Variants in ODF2 observed in about 807,000 individuals in gnomAD.
The protein encoded by ODF2 is outer dense fiber protein 2.
A neutral mutation model predicts 110.2 loss-of-function variants in ODF2; 47 were observed. That is an observed-to-expected ratio of 0.43 (90% CI 0.34 to 0.54). The LOEUF is 0.54. Ranked by LOEUF, ODF2 falls within the 20% of genes least tolerant of loss-of-function variation. The pLI is 0.03. For missense variants in ODF2, 812 were observed against 1,054.5 expected (o/e 0.77, Z 3.19); for synonymous variants, 352 against 397.7 (o/e 0.89, Z 1.37).
At chr9:128,482,308 G>A (rs899813880) in intron 9 of ODF2, among the ~76,000 whole-genome samples, 3 of 152,220 alleles carry the variant, frequency 2.0e-5, no homozygotes, top group East Asian at 3.9e-4. Flanking sequence ...CAGCAAGCTC[G>A]GCGATAATGC....
At chr9:128,459,681 G>A (rs754044518) in intron 3 of ODF2, 24 bp downstream of exon 2, 141 of 1,573,336 alleles carry the variant, frequency 9.0e-5, no homozygotes, top group Non-Finnish European at 1.1e-4. Flanking sequence ...TCACGTAGCA[G>A]CCCTCTTTGG....
rs1843221231 is a variant in ODF2, at chr9:128,485,688, A to C, written c.1400+214A>C. 6.6e-6 allele frequency among the ~76,000 whole-genome samples: 1 copy of C among 152,104 alleles called. No individual in the cohort carries two copies. Among genetic ancestry groups the C allele is most frequent in the Non-Finnish European group, 1.5e-5 (1 of 68,010 alleles). ...GGCCCTAGTCCTGGGGTCCTACCCT[A>C]CTGTCAGGCACTGGCTAGGGGCCGG... On this transcript the variant is annotated intron_variant, in intron 13 of 20. Transcript: ENST00000604420. This position sits in a 1 kb window ranked among gnomAD's most constrained non-coding sequence, Gnocchi z 5.0.
At chr9:128,487,922 C>A in exon 14 of ODF2, 1 of 1,614,078 alleles carries the variant, frequency 6.2e-7, no homozygotes, top group Non-Finnish European at 8.5e-7. Context: ...CAACAACAAA[C>A]CCTGGAGGAG....
Position 128,489,531 on chromosome 9 carries a change from C to T in ODF2, c.1536+1506C>T, listed in dbSNP as rs534599160. Among the ~76,000 whole-genome samples the T allele has an allele frequency of 3.9e-5, 6 of 152,302 alleles. No homozygotes were observed. In the South Asian group the frequency reaches 1.2e-3, roughly 32 times the overall value. On this transcript the variant is annotated intron_variant, in intron 14 of 20. Transcript: ENST00000604420. ...AATATCCCTGGGCCTGGCGTCTACT[C>T]TGCAAGTTTGTTGAGTCAGCCCCAT...
intron 4 of ODF2, 132 bp downstream of exon 4, chr9:128,461,199 T>A: frequency 8.7e-7 from 1 of 1,153,730 alleles, no homozygotes; most frequent in Non-Finnish European, 1.2e-6. Flanking sequence ...AGGGCCTTGC[T>A]AAACCCTGAA....
At chr9:128,455,416 T>C, upstream of ODF2, 1 of 416,790 alleles carries the variant, frequency 2.4e-6, no homozygotes, top group Non-Finnish European at 4.2e-6. Flanking sequence ...TAGCCGGGCG[T>C]TGTGGCGGGC....
intron 10 of ODF2, among the ~76,000 whole-genome samples, chr9:128,483,572 C>T (rs973236835): frequency 1.4e-5 from 2 of 142,632 alleles, no homozygotes; most frequent in Non-Finnish European, 3.1e-5. Flanking sequence ...AACAGTGATA[C>T]CCTGTCTCAA....
At chr9:128,466,075 G>A (rs753398169) in intron 4 of ODF2, among the ~76,000 whole-genome samples, 5 of 151,990 alleles carry the variant, frequency 3.3e-5, no homozygotes, top group Admixed American at 6.6e-5. Context: ...TGAGGCGGAG[G>A]TTGCAGGGAG....
In ODF2 at chr9:128,456,735, G is replaced by A. The variant is rs1005477389; in HGVS notation, c.-208-463G>A. On this transcript the variant is annotated intron_variant, in intron 1 of 20. Coordinates refer to ENST00000604420, the Ensembl canonical transcript of ODF2. The stretch of plus-strand genomic sequence containing the variant: ...GCGCTGTCCCCCGGGCACCGTCTCC[G>A]GCTTGCCAGGGCCCTCGCCCGGCGG... 4 of 981,270 alleles carry A rather than the reference G, an allele frequency of 4.1e-6. No homozygotes were observed. In the South Asian group the frequency reaches 1.4e-4, roughly 35 times the overall value. The allele number at this position is 981,270 out of a possible 1,614,324, so 60.8% of individuals were successfully genotyped here.
chr9:128,466,709 G>T (rs1442099309), intron 4 of ODF2, among the ~76,000 whole-genome samples: 1 of 149,570 alleles, frequency 6.7e-6, no homozygotes, highest in African/African-American at 2.4e-5. Context: ...CGGGCGTGGT[G>T]GCTCACGCCT....
At chr9:128,473,641 C>G in exon 8 of ODF2, 1 of 1,613,744 alleles carries the variant, frequency 6.2e-7, no homozygotes, top group South Asian at 1.1e-5. Flanking sequence ...GACATCAACA[C>G]CCTGACAAGG....
intron 5 of ODF2, among the ~76,000 whole-genome samples, chr9:128,471,023 C>G (rs1839872814): frequency 6.6e-6 from 1 of 151,942 alleles, no homozygotes; most frequent in East Asian, 1.9e-4. Context: ...AGGCGACTCT[C>G]TTGCTTCAGC....
At chr9:128,465,880 C>T (rs1007778391) in intron 4 of ODF2, among the ~76,000 whole-genome samples, 1 of 152,214 alleles carries the variant, frequency 6.6e-6, no homozygotes. Flanking sequence ...TGGCTCACTC[C>T]TGTAATCCCA....
rs996602592 is a variant in ODF2 at position 128,468,553 on chromosome 9, C to T, written c.250-630C>T. Among the ~76,000 whole-genome samples, 12 of 151,792 alleles carry T rather than the reference C, an allele frequency of 7.9e-5. No homozygotes were observed. In the East Asian group the frequency reaches 1.7e-3, roughly 22 times the overall value. On this transcript the variant is annotated intron_variant, in intron 4 of 20. Transcript: ENST00000604420. ...TGATTTTTTTTTTTAGAAGGAGTTT[C>T]GTTCTGTTGCCCAGGCTGGAGTGCA...
intron 4 of ODF2, 178 bp from the exon 5 acceptor site, chr9:128,469,005 C>A: frequency 1.8e-6 from 1 of 561,310 alleles, no homozygotes. Flanking sequence ...CCAAAACCAT[C>A]ATTTAAACAT....
At position 128,485,581 on chromosome 9, in the gene ODF2, T is replaced by C; in HGVS notation, c.1400+107T>C. The C allele has an allele frequency of 4.6e-6, 3 of 652,844 alleles. No individual in the cohort carries two copies. Among genetic ancestry groups the C allele is most frequent in the Non-Finnish European group, 8.4e-6 (3 of 358,112 alleles). 40.4% of individuals were successfully genotyped at this position (652,844 alleles called of 1,614,324 possible). The stretch of plus-strand genomic sequence containing the variant: ...AAGGCCACGTGGCTGCTGTTTGTAC[T>C]CTCCGGGTTGGGGGCTGCACTGGGC... On this transcript the variant is annotated intron_variant, in intron 13 of 20. Coordinates refer to ENST00000604420, the Ensembl canonical transcript of ODF2. The surrounding 1 kb of genome is among the most constrained non-coding windows in gnomAD (Gnocchi z 5.0).
intron 1 of ODF2, chr9:128,457,017 C>T (rs1409668256): frequency 1.6e-6 from 2 of 1,269,672 alleles, no homozygotes; most frequent in Non-Finnish European, 1.0e-6. Context: ...CCGAGCGGTT[C>T]TCACCCGCCC....
At chr9:128,500,685 C>T (rs1335912706), downstream of ODF2, 1 of 154,614 alleles carries the variant, frequency 6.5e-6, no homozygotes, top group Non-Finnish European at 1.4e-5. Flanking sequence ...AGCACCATCA[C>T]TTGCTTTTTT....
intron 1 of ODF2, chr9:128,456,460 G>A: frequency 1.3e-6 from 2 of 1,516,870 alleles, no homozygotes; most frequent in Admixed American, 2.0e-5. Context: ...GCTAACGGGC[G>A]GTCGGCCGCC....
Sources: allele counts gnomAD v4.1 joint callset (sites outside exome capture counted in the v4.1 genomes callset), GRCh38; gene constraint gnomAD v4.1.1; non-coding constraint Gnocchi (gnomAD v3.1); transcripts MANE v1.5; gene names NCBI Gene and HGNC (gene_info 2026-07-23, HGNC 2026-07-21).